ADAMTS16: variants seen among roughly 807,000 people sequenced by gnomAD.
The protein encoded by ADAMTS16 is ADAM metallopeptidase with thrombospondin type 1 motif 16, also known as A disintegrin and metalloproteinase with thrombospondin motifs 16.
Under a neutral mutation model 145.8 loss-of-function variants are expected in ADAMTS16, and 94 were observed. The observed-to-expected ratio is 0.64, with a 90% confidence interval of 0.55 to 0.77. The LOEUF (loss-of-function observed/expected upper bound fraction) is 0.77. ADAMTS16 is among the 30% of genes least tolerant of loss of function. ADAMTS16 has a pLI of 0.00. For missense variants in ADAMTS16, 1,585 were observed against 1,591.5 expected (o/e 1.00, Z 0.07); for synonymous variants, 659 against 604.3 (o/e 1.09, Z -1.33).
intron 11 of ADAMTS16, among the ~76,000 whole-genome samples, chr5:5,225,384 G>A (rs1039133319): frequency 2.0e-5 from 3 of 152,094 alleles, no homozygotes; most frequent in Non-Finnish European, 4.4e-5. Flanking sequence ...GGCAGATCAC[G>A]ACGAGGTCAA....
intron 10 of ADAMTS16, among the ~76,000 whole-genome samples, chr5:5,222,426 G>A (rs1376551736): frequency 2.0e-5 from 3 of 152,086 alleles, no homozygotes; most frequent in African/African-American, 7.2e-5. Context: ...GATTCAGGAA[G>A]GTGGGGTTGA....
chr5:5,285,860 GC>G (rs1349848575), intron 18 of ADAMTS16, among the ~76,000 whole-genome samples: 2 of 152,128 alleles, frequency 1.3e-5, no homozygotes, highest in African/African-American at 4.8e-5. Flanking sequence ...CATTTCAGAT[GC>G]CTTCACTTCT....
chr5:5,266,473 G>A (rs1016386899), intron 18 of ADAMTS16, among the ~76,000 whole-genome samples: 17 of 152,230 alleles, frequency 1.1e-4, no homozygotes, highest in African/African-American at 3.1e-4. Flanking sequence ...ACGGGCCTCC[G>A]CCCTACCGCA....
intron 10 of ADAMTS16, among the ~76,000 whole-genome samples, chr5:5,219,611 A>C (rs1736535407): frequency 6.6e-6 from 1 of 152,224 alleles, no homozygotes; most frequent in South Asian, 2.1e-4. Context: ...ATTATGTTTT[A>C]AGTGTTGAAA....
intron 18 of ADAMTS16, among the ~76,000 whole-genome samples, chr5:5,284,027 A>T (rs945458555): frequency 1.3e-5 from 2 of 152,100 alleles, no homozygotes; most frequent in Non-Finnish European, 2.9e-5. Context: ...TTCTTATTTG[A>T]ATTATTTAAC....
chr5:5,271,680 GA>G (rs1738479304), intron 18 of ADAMTS16, among the ~76,000 whole-genome samples: 1 of 152,234 alleles, frequency 6.6e-6, no homozygotes, highest in African/African-American at 2.4e-5. Context: ...CAGGACAGGG[GA>G]TTGAAGATAC....
chr5:5,228,393 T>G (rs16875093), intron 11 of ADAMTS16, among the ~76,000 whole-genome samples: 29,357 of 152,134 alleles, frequency 0.19, 3,309 homozygotes, highest in East Asian at 0.5. Flanking sequence ...AACCAAGATT[T>G]TTAATATATA....
At chr5:5,182,347 C>A in intron 4 of ADAMTS16, 42 bp downstream of exon 4, 1 of 1,578,146 alleles carries the variant, frequency 6.3e-7, no homozygotes, top group East Asian at 2.3e-5. Context: ...GTGATGCTGA[C>A]ATTTATGTAA....
rs139213271 is a variant in ADAMTS16 at position 5,211,764 on chromosome 5, C to T, written c.1605+2518C>T. On this transcript the variant is annotated intron_variant, in intron 10 of 22. Coordinates refer to ENST00000274181, the MANE Select transcript of ADAMTS16 (RefSeq NM_139056.4). ...ATACTGGGTTTTTAATATTATTAAG[C>T]AAAAATATTTTCTAATTTAACTGGT... Among the ~76,000 whole-genome samples the T allele has an allele frequency of 2.7e-3, 417 of 152,066 alleles. 2 individuals are homozygous for T. The highest frequency in any genetic ancestry group is 3.3e-3 in the Non-Finnish European group (223 of 67,966).
chr5:5,264,275 C>T (rs187328547), intron 18 of ADAMTS16, among the ~76,000 whole-genome samples: 1 of 152,064 alleles, frequency 6.6e-6, no homozygotes, highest in African/African-American at 2.4e-5. Flanking sequence ...GGGACCTGCC[C>T]CTGTCTGCCT....
Position 5,227,135 on chromosome 5 carries a change from C to T in ADAMTS16, c.1701+4251C>T, listed in dbSNP as rs75083135. Among the ~76,000 whole-genome samples, 556 of 152,324 alleles carry T rather than the reference C, an allele frequency of 3.7e-3. 4 individuals are homozygous for T. The highest frequency in any genetic ancestry group is 0.01 in the Middle Eastern group (3 of 294). ...AGAAGAGGACACCGGGCTCAGAGCA[C>T]ATGGGTGCCTTCCCCAGGTCACGCA... is the stretch of plus-strand genomic sequence containing the variant. On this transcript the variant is annotated intron_variant, in intron 11 of 22. Coordinates refer to ENST00000274181, the MANE Select transcript of ADAMTS16 (RefSeq NM_139056.4).
chr5:5,188,058 T>C (rs559685203), intron 6 of ADAMTS16, among the ~76,000 whole-genome samples: 8 of 152,198 alleles, frequency 5.3e-5, no homozygotes, highest in Non-Finnish European at 1.2e-4. Context: ...AAATGGCATG[T>C]AAAAGCTGCC....
At chr5:5,288,079 G>A (rs1484628088) in intron 18 of ADAMTS16, among the ~76,000 whole-genome samples, 1 of 152,176 alleles carries the variant, frequency 6.6e-6, no homozygotes, top group African/African-American at 2.4e-5. Flanking sequence ...GAGGAGGAAG[G>A]AGGCCATCAT....
chr5:5,224,918 C>T (rs997383127), intron 11 of ADAMTS16, among the ~76,000 whole-genome samples: 13 of 151,954 alleles, frequency 8.6e-5, no homozygotes, highest in East Asian at 1.9e-4. Context: ...ATAACCTGTA[C>T]ATTCTGGTTA....
rs1480121814 is a variant in ADAMTS16, at chr5:5,290,363, G to GTGTT, written c.2790-12904_2790-12901dup. ...CTTCTCCCCTGGGAATGTTAATAAG[G>GTGTT]TGTTGCCTAGGCCGGGCGTGGTGGC... On this transcript the variant is annotated intron_variant, in intron 18 of 22. Transcript: ENST00000274181. Among the ~76,000 whole-genome samples, 7 of 152,296 alleles carry GTGTT rather than the reference G, an allele frequency of 4.6e-5. No homozygotes were observed. In the East Asian group the frequency reaches 1.4e-3, roughly 29 times the overall value.
At chr5:5,160,654 G>T (rs964900680) in intron 3 of ADAMTS16, among the ~76,000 whole-genome samples, 9 of 151,904 alleles carry the variant, frequency 5.9e-5, no homozygotes, top group Admixed American at 1.3e-4. Flanking sequence ...CTCTGAATTT[G>T]GTTTCTCAAA....
chr5:5,318,716 A>G (rs977998919), intron 22 of ADAMTS16, among the ~76,000 whole-genome samples: 5 of 152,084 alleles, frequency 3.3e-5, no homozygotes, highest in Non-Finnish European at 7.4e-5. Context: ...GAGGAAGGCG[A>G]GTGGTTTGGC....
intron 3 of ADAMTS16, among the ~76,000 whole-genome samples, chr5:5,151,609 G>A (rs867589954): frequency 4.3e-5 from 6 of 140,200 alleles, no homozygotes; most frequent in East Asian, 4.2e-4. Context: ...ACACACACAC[G>A]CACACACACA....
intron 10 of ADAMTS16, 131 bp downstream of exon 10, chr5:5,209,377 T>G (rs1579312729): frequency 2.7e-6 from 3 of 1,098,574 alleles, no homozygotes; most frequent in Non-Finnish European, 3.8e-6. Flanking sequence ...TTAAGGCTGG[T>G]CCTGTATAAC....
Sources: allele counts gnomAD v4.1 joint callset (sites outside exome capture counted in the v4.1 genomes callset), GRCh38; gene constraint gnomAD v4.1.1; transcripts MANE v1.5; gene names NCBI Gene and HGNC (gene_info 2026-07-23, HGNC 2026-07-21).